The following CHCHD3 variants were observed in gnomAD, a reference collection of about 807,000 sequenced individuals.
The protein encoded by CHCHD3 is coiled-coil-helix-coiled-coil-helix domain containing 3.
In CHCHD3, 20 loss-of-function variants were observed where a neutral mutation model predicts 38.2. The observed-to-expected ratio is 0.52, with a 90% CI of 0.37 to 0.76. The LOEUF (loss-of-function observed/expected upper bound fraction) is 0.76. CHCHD3 is among the 30% of genes least tolerant of loss of function. The probability of loss-of-function intolerance (pLI) is 0.00; values close to 1 mark genes in which losing one functional copy is unlikely to be tolerated. For missense variants in CHCHD3, 245 were observed against 279.2 expected, an observed-to-expected ratio of 0.88 and a Z score of 0.87; for synonymous variants, 82 against 100.0, an observed-to-expected ratio of 0.82 and a Z score of 1.07.
At chr7:132,867,846 A>G (rs1361923141) in intron 5 of CHCHD3, among the ~76,000 whole-genome samples, 2 of 152,244 alleles carry the variant, frequency 1.3e-5, no homozygotes, top group East Asian at 1.9e-4. Context: ...TCCAGAAAGT[A>G]CATTATATAA....
intron 6 of CHCHD3, among the ~76,000 whole-genome samples, chr7:132,819,725 G>A (rs533621409): frequency 1.3e-5 from 2 of 152,318 alleles, no homozygotes; most frequent in East Asian, 3.9e-4. Flanking sequence ...GAAGGGAGGT[G>A]TCTAGAAAGA....
intron 7 of CHCHD3, among the ~76,000 whole-genome samples, chr7:132,790,080 T>C (rs1437287959): frequency 1.3e-5 from 2 of 152,236 alleles, no homozygotes; most frequent in African/African-American, 2.4e-5. Flanking sequence ...TCTGATTAGA[T>C]CACTTATTTT....
chr7:133,000,087 C>T (rs1021621167), intron 3 of CHCHD3, among the ~76,000 whole-genome samples: 1 of 152,040 alleles, frequency 6.6e-6, no homozygotes, highest in Non-Finnish European at 1.5e-5. Context: ...CAAAGAGAAA[C>T]AAAACTGCTT....
intron 4 of CHCHD3, among the ~76,000 whole-genome samples, chr7:132,957,964 C>G (rs528717072): frequency 6.6e-6 from 1 of 152,102 alleles, no homozygotes; most frequent in Non-Finnish European, 1.5e-5. Flanking sequence ...CACAGACTTA[C>G]GAATCAACCA....
intron 2 of CHCHD3, among the ~76,000 whole-genome samples, chr7:133,034,057 C>T (rs1001338361): frequency 6.6e-6 from 1 of 152,104 alleles, no homozygotes; most frequent in Non-Finnish European, 1.5e-5. Flanking sequence ...TTCAGATTAC[C>T]GTCTTTAAGA....
chr7:132,862,554 C>T (rs906918620), intron 5 of CHCHD3, among the ~76,000 whole-genome samples: 7 of 152,132 alleles, frequency 4.6e-5, no homozygotes, highest in East Asian at 3.9e-4. Context: ...TTGATGGCTG[C>T]GGTGGTGGCC....
intron 4 of CHCHD3, among the ~76,000 whole-genome samples, chr7:132,898,602 C>T (rs941848166): frequency 6.6e-6 from 1 of 152,274 alleles, no homozygotes; most frequent in African/African-American, 2.4e-5. Context: ...GCGCCGTGCG[C>T]CCGCACTCCT....
chr7:132,862,800 C>T (rs1808529231), intron 5 of CHCHD3, among the ~76,000 whole-genome samples: 1 of 152,228 alleles, frequency 6.6e-6, no homozygotes, highest in Non-Finnish European at 1.5e-5. Flanking sequence ...TTCACATCAT[C>T]TTTACCAACA....
intron 4 of CHCHD3, among the ~76,000 whole-genome samples, chr7:132,942,542 C>T (rs1810795333): frequency 6.6e-6 from 1 of 152,106 alleles, no homozygotes; most frequent in Non-Finnish European, 1.5e-5. Context: ...ACAGAACCCA[C>T]TGTAATTTTA....
intron 5 of CHCHD3, among the ~76,000 whole-genome samples, chr7:132,860,334 G>GA: frequency 6.7e-6 from 1 of 148,610 alleles, no homozygotes; most frequent in South Asian, 2.2e-4. Context: ...GAGAGAGAGA[G>GA]AACACAATCC....
In CHCHD3 at chr7:133,081,943, C is replaced by A; in HGVS notation, c.-6G>T. ...GTGCTGGTGGTCCCACCCATGATTCCGGTTCCTGCCCCAGCGGAGACCTAG... is the reference window on the plus strand; with the variant it reads ...GTGCTGGTGGTCCCACCCATGATTCAGGTTCCTGCCCCAGCGGAGACCTAG... On this transcript the variant is annotated 5_prime_UTR_variant, in exon 1 of 8. Transcript: ENST00000262570. 1 of 1,545,836 alleles carries A rather than the reference C, an allele frequency of 6.5e-7. No homozygotes were observed. Among genetic ancestry groups the A allele is most frequent in the South Asian group, 1.2e-5 (1 of 83,168 alleles).
At chr7:132,796,622 A>C (rs752800193) in intron 6 of CHCHD3, 45 bp from the exon 7 acceptor site, 4 of 1,570,562 alleles carry the variant, frequency 2.5e-6, no homozygotes, top group Non-Finnish European at 2.6e-6. Context: ...GTCTTCATTC[A>C]GAATAAAAAT....
chr7:132,895,457 C>T (rs1463015494), intron 4 of CHCHD3, among the ~76,000 whole-genome samples: 1 of 152,244 alleles, frequency 6.6e-6, no homozygotes, highest in African/African-American at 2.4e-5. Context: ...GCCTAGGAGG[C>T]AAAATCGCCT....
At chr7:132,813,524 G>A (rs1000615828) in intron 6 of CHCHD3, 11 of 152,106 alleles carry the variant, frequency 7.2e-5, no homozygotes, top group African/African-American at 2.7e-4. Flanking sequence ...GTAAGATAAC[G>A]TTTAAGCTCT....
intron 4 of CHCHD3, among the ~76,000 whole-genome samples, chr7:132,928,666 C>T (rs1228914119): frequency 6.6e-6 from 1 of 152,032 alleles, no homozygotes; most frequent in Non-Finnish European, 1.5e-5. Flanking sequence ...CACTGCACTC[C>T]AGCCAGAGCA....
At chr7:132,944,424 A>AG (rs1377906059) in intron 4 of CHCHD3, among the ~76,000 whole-genome samples, 1 of 151,666 alleles carries the variant, frequency 6.6e-6, no homozygotes, top group African/African-American at 2.4e-5. Flanking sequence ...AAAAGGATAA[A>AG]GAAAAAAAAA....
intron 1 of CHCHD3, among the ~76,000 whole-genome samples, chr7:133,079,870 A>G (rs1404121246): frequency 6.6e-6 from 1 of 152,172 alleles, no homozygotes; most frequent in Admixed American, 6.5e-5. Context: ...AATCAGAATG[A>G]CCTCTGTGTA....
At chr7:132,958,852 T>A (rs969584115) in intron 4 of CHCHD3, among the ~76,000 whole-genome samples, 2 of 152,210 alleles carry the variant, frequency 1.3e-5, no homozygotes, top group Non-Finnish European at 2.9e-5. Context: ...CTTATGAAAT[T>A]TCCACAGTGA....
chr7:132,954,095 G>A (rs57236177), intron 4 of CHCHD3, among the ~76,000 whole-genome samples: 2,132 of 152,240 alleles, frequency 0.014, 56 homozygotes, highest in African/African-American at 0.048. Flanking sequence ...TAGAAAGCAG[G>A]GGAGGATGTC....
Sources: gnomAD v4.1 joint callset for allele counts (sites outside exome capture counted in the v4.1 genomes callset) on GRCh38, gnomAD v4.1.1 for gene constraint, MANE v1.5 for transcripts, NCBI Gene and HGNC (gene_info 2026-07-23, HGNC 2026-07-21) for gene names.